ADAMTSL1: variants seen among roughly 807,000 people sequenced by gnomAD.
The protein encoded by ADAMTSL1 is ADAMTS-like protein 1.
In ADAMTSL1, 126 loss-of-function variants were observed where a neutral mutation model predicts 201.8. The ratio of observed to expected loss-of-function variants is 0.62; its 90% CI spans 0.54 to 0.72. The LOEUF (loss-of-function observed/expected upper bound fraction) is 0.72. Among genes scored for constraint, ADAMTSL1 ranks in the 30% least tolerant of loss-of-function variants. The pLI is 0.00. For synonymous variants in ADAMTSL1, 1,121 were observed against 903.4 expected (o/e 1.24, Z -4.32); for missense variants, 2,679 against 2,277.8 (o/e 1.18, Z -3.59).
chr9:18,443,310 G>T (rs1001267663), intron 2 of ADAMTSL1, among the ~76,000 whole-genome samples: 9 of 152,182 alleles, frequency 5.9e-5, no homozygotes, highest in Admixed American at 3.9e-4. Context: ...AGTCACTGAT[G>T]AGCTGACAAC....
chr9:18,486,187 C>A (rs544304990), intron 1 of ADAMTSL1, among the ~76,000 whole-genome samples: 1 of 152,120 alleles, frequency 6.6e-6, no homozygotes, highest in African/African-American at 2.4e-5. Context: ...TCAAGGCCTC[C>A]CAGTTAAAAT....
intron 1 of ADAMTSL1, among the ~76,000 whole-genome samples, chr9:18,029,789 T>C (rs963021535): frequency 1.3e-5 from 2 of 152,082 alleles, no homozygotes; most frequent in Non-Finnish European, 2.9e-5. Context: ...CAAAAACACA[T>C]GAAAAAACGC....
At chr9:18,671,105 A>AT (rs1015468166) in intron 9 of ADAMTSL1, among the ~76,000 whole-genome samples, 1 of 151,982 alleles carries the variant, frequency 6.6e-6, no homozygotes, top group African/African-American at 2.4e-5. Flanking sequence ...GCAACTATCC[A>AT]TTTTTTTTCT....
intron 1 of ADAMTSL1, among the ~76,000 whole-genome samples, chr9:17,957,580 G>C (rs927900447): frequency 1.3e-5 from 2 of 152,170 alleles, no homozygotes; most frequent in African/African-American, 4.8e-5. Flanking sequence ...GATAAATCAG[G>C]TGGGACCTTT....
In ADAMTSL1 at chr9:18,753,525, C is replaced by T. The variant is rs764850099; in HGVS notation, c.2217+17C>T. ...TGGCAGCCGGTGAGTTCTGAAGTTA[C>T]TCAATATTGGAGCTTTTGTTTGCAA... On this transcript the variant is annotated intron_variant, in intron 16 of 28. Coordinates refer to ENST00000380548, the MANE Select transcript of ADAMTSL1 (RefSeq NM_001040272.6). 6.2e-7 allele frequency: 1 copy of T among 1,601,560 alleles called. No individual in the cohort carries two copies. Among genetic ancestry groups the T allele is most frequent in the South Asian group, 1.1e-5 (1 of 88,964 alleles).
chr9:18,881,435 G>A (rs1028771327), intron 23 of ADAMTSL1, among the ~76,000 whole-genome samples: 12 of 152,120 alleles, frequency 7.9e-5, no homozygotes, highest in Non-Finnish European at 1.8e-4. Context: ...GGATAGGGAG[G>A]TGGCCCCAGG....
At chr9:18,677,454 T>A (rs1830192847) in intron 10 of ADAMTSL1, among the ~76,000 whole-genome samples, 1 of 152,090 alleles carries the variant, frequency 6.6e-6, no homozygotes, top group Non-Finnish European at 1.5e-5. Context: ...TTTCTGTATC[T>A]GTGAAATAAA....
intron 1 of ADAMTSL1, among the ~76,000 whole-genome samples, chr9:18,076,559 T>G (rs1267967591): frequency 6.6e-6 from 1 of 152,146 alleles, no homozygotes; most frequent in Non-Finnish European, 1.5e-5. Context: ...GGAAGCTGTC[T>G]TGAGAAAGAT....
At chr9:18,691,693 C>A (rs927917444) in intron 13 of ADAMTSL1, among the ~76,000 whole-genome samples, 15 of 152,130 alleles carry the variant, frequency 9.9e-5, no homozygotes, top group Non-Finnish European at 2.1e-4. Flanking sequence ...TGCACAGTGA[C>A]TAAAAGTGTG....
At position 18,777,702 on chromosome 9, in the gene ADAMTSL1, G is replaced by A. The variant is rs1191582262; in HGVS notation, c.3473G>A (p.Arg1158Gln). ...SSTGDAGGGS[R>Q]RPHRKPTILR... ...ACCGGGGACGCCGGGGGAGGCTCTC[G>A]AAGGCCACACCGCAAGCCCACCATC... Residue 1158 changes from arginine (R) to glutamine (Q), a missense_variant, in exon 19 of 29, where the codon CGA (arginine) becomes CAA (glutamine). By Grantham distance (43) the Arg-to-Gln change is conservative. Transcript: ENST00000380548. The A allele has an allele frequency of 6.2e-7, 1 of 1,613,308 alleles. No individual in the cohort carries two copies. Among genetic ancestry groups the A allele is most frequent in the Non-Finnish European group, 8.5e-7 (1 of 1,179,682 alleles).
chr9:17,962,290 C>G (rs1438830405), intron 1 of ADAMTSL1, among the ~76,000 whole-genome samples: 1 of 152,176 alleles, frequency 6.6e-6, no homozygotes, highest in African/African-American at 2.4e-5. Flanking sequence ...AAATGTACCA[C>G]TGACTATGAA....
intron 2 of ADAMTSL1, among the ~76,000 whole-genome samples, chr9:18,507,175 C>A (rs913965464): frequency 6.6e-6 from 1 of 152,178 alleles, no homozygotes; most frequent in South Asian, 2.1e-4. Context: ...AATTCTGATC[C>A]TTGTAAGACA....
At chr9:18,801,663 C>A (rs1208626403) in intron 20 of ADAMTSL1, among the ~76,000 whole-genome samples, 1 of 152,160 alleles carries the variant, frequency 6.6e-6, no homozygotes, top group Non-Finnish European at 1.5e-5. Flanking sequence ...TAGTTTGCCT[C>A]CAGCTCCATC....
chr9:18,882,796 C>G (rs1005895277), intron 23 of ADAMTSL1, among the ~76,000 whole-genome samples: 2 of 151,910 alleles, frequency 1.3e-5, no homozygotes, highest in Admixed American at 1.3e-4. Flanking sequence ...GAGTTCAAGA[C>G]CAGCCTGGGC....
intron 1 of ADAMTSL1, among the ~76,000 whole-genome samples, chr9:17,920,500 C>T (rs572842856): frequency 5.9e-5 from 9 of 152,306 alleles, no homozygotes; most frequent in African/African-American, 1.9e-4. Flanking sequence ...TTTTGCATGA[C>T]ATAGACTCCT....
chr9:18,849,907 G>T (rs1826371669), intron 23 of ADAMTSL1, among the ~76,000 whole-genome samples: 1 of 152,174 alleles, frequency 6.6e-6, no homozygotes, highest in African/African-American at 2.4e-5. Flanking sequence ...ACTGCAGAAA[G>T]CTCTATACAT....
chr9:17,970,057 A>G (rs995076041), intron 1 of ADAMTSL1, among the ~76,000 whole-genome samples: 2 of 152,072 alleles, frequency 1.3e-5, no homozygotes, highest in African/African-American at 4.8e-5. Context: ...ATCTTCAAGT[A>G]GTATATTCAG....
chr9:18,078,641 G>GT (rs990970394), intron 1 of ADAMTSL1, among the ~76,000 whole-genome samples: 14 of 152,144 alleles, frequency 9.2e-5, no homozygotes, highest in South Asian at 2.1e-4. Context: ...TATTTTTGTG[G>GT]TTTTTTCTAG....
intron 3 of ADAMTSL1, among the ~76,000 whole-genome samples, chr9:18,552,691 T>C (rs369520194): frequency 1.9e-4 from 29 of 151,894 alleles, no homozygotes; most frequent in African/African-American, 6.5e-4. Flanking sequence ...GTTTGGGTTA[T>C]TTTGGACTGT....
Sources: allele counts gnomAD v4.1 joint callset (sites outside exome capture counted in the v4.1 genomes callset), GRCh38; gene constraint gnomAD v4.1.1; transcripts MANE v1.5; gene names NCBI Gene and HGNC (gene_info 2026-07-23, HGNC 2026-07-21).